CADPS: variants seen among roughly 807,000 people sequenced by gnomAD.
CADPS encodes calcium dependent secretion activator.
In CADPS, 57 loss-of-function variants were observed where a neutral mutation model predicts 167.3. The ratio of observed to expected loss-of-function variants is 0.34; its 90% CI spans 0.28 to 0.42. The LOEUF is 0.42. CADPS is among the 20% of genes least tolerant of loss of function. The pLI is 1.00. For synonymous variants in CADPS, 676 were observed against 635.3 expected (o/e 1.06, Z -0.96); for missense variants, 1,414 against 1,738.1 (o/e 0.81, Z 3.32).
intron 3 of CADPS, among the ~76,000 whole-genome samples, chr3:62,728,363 C>T (rs1369513175): frequency 6.6e-6 from 1 of 151,798 alleles, no homozygotes; most frequent in East Asian, 1.9e-4. Context: ...AATCTGTTTA[C>T]AACCTAATTA....
intron 3 of CADPS, among the ~76,000 whole-genome samples, chr3:62,682,954 A>G (rs1184974070): frequency 1.3e-5 from 2 of 152,102 alleles, no homozygotes; most frequent in Admixed American, 1.3e-4. Context: ...GGAACTAAAG[A>G]TAAGTAGAAG....
At position 62,446,347 on chromosome 3, in the gene CADPS, T is replaced by C. The variant is rs1039192631; in HGVS notation, c.3637-550A>G. 6.6e-6 allele frequency among the ~76,000 whole-genome samples: 1 copy of C among 152,132 alleles called. No homozygotes were observed. Among genetic ancestry groups the C allele is most frequent in the African/African-American group, 2.4e-5 (1 of 41,426 alleles). On this transcript the variant is annotated intron_variant, in intron 26 of 29. Coordinates refer to ENST00000383710, the MANE Select transcript of CADPS (RefSeq NM_003716.4). The surrounding 1 kb of genome is among the most constrained non-coding windows in gnomAD (Gnocchi z 4.9). ...AAAGGCTGCCGTTATGTCTCCTGCT[T>C]TTACGTGCTAAAAATTCCAGATGGG...
intron 26 of CADPS, among the ~76,000 whole-genome samples, chr3:62,450,219 C>A (rs1342739438): frequency 6.6e-6 from 1 of 152,164 alleles, no homozygotes; most frequent in African/African-American, 2.4e-5. Context: ...TCTGTGACAC[C>A]CTATGCACTG....
chr3:62,875,307 G>T lies in CADPS; in HGVS notation c.-278C>A, dbSNP rs568170101. 112 of 221,794 alleles carry T rather than the reference G, an allele frequency of 5.0e-4. 1 individual carries two copies. Among genetic ancestry groups the T allele is most frequent in the Admixed American group, 1.5e-3 (25 of 17,174 alleles). 13.7% of individuals were successfully genotyped at this position (221,794 alleles called of 1,614,324 possible). A position where few individuals can be genotyped will look rare whatever the true frequency, so the allele number is the denominator to read the frequency against. ...GGGGAGAATCAATTGCGAGCCCCGAGCCCGCAGCCGGATGCCATCTGCGGC... is the reference window on the plus strand; with the variant it reads ...GGGGAGAATCAATTGCGAGCCCCGATCCCGCAGCCGGATGCCATCTGCGGC... On this transcript the variant is annotated 5_prime_UTR_variant, in exon 1 of 30. Coordinates refer to ENST00000383710, the MANE Select transcript of CADPS (RefSeq NM_003716.4).
At chr3:62,592,792 G>A in intron 6 of CADPS, 44 bp from the exon 7 acceptor site, 1 of 1,431,456 alleles carries the variant, frequency 7.0e-7, no homozygotes, top group Middle Eastern at 1.8e-4. Flanking sequence ...TATCTGCCTT[G>A]ATGAGTCTAA....
intron 21 of CADPS, among the ~76,000 whole-genome samples, chr3:62,484,883 A>G (rs1262281175): frequency 6.6e-6 from 1 of 152,216 alleles, no homozygotes; most frequent in Non-Finnish European, 1.5e-5. Flanking sequence ...TGTTGCATGC[A>G]TATATGTAGC....
intron 22 of CADPS, among the ~76,000 whole-genome samples, chr3:62,480,994 G>A (rs1391007153): frequency 6.6e-6 from 1 of 152,174 alleles, no homozygotes; most frequent in East Asian, 1.9e-4. Context: ...TGACATTCAT[G>A]TGGATGAGTA....
At chr3:62,815,244 G>GTGAT (rs1228415574) in intron 1 of CADPS, among the ~76,000 whole-genome samples, 1 of 151,786 alleles carries the variant, frequency 6.6e-6, no homozygotes, top group Non-Finnish European at 1.5e-5. Context: ...GAAATATTGT[G>GTGAT]TGATAGTCAA....
intron 1 of CADPS, among the ~76,000 whole-genome samples, chr3:62,847,438 C>G (rs2077702860): frequency 1.0e-5 from 1 of 98,088 alleles, no homozygotes; most frequent in Non-Finnish European, 2.0e-5. Context: ...CTCCCCCCAC[C>G]CCACCACAGT....
At chr3:62,736,473 T>C (rs1033853099) in intron 3 of CADPS, among the ~76,000 whole-genome samples, 3 of 152,226 alleles carry the variant, frequency 2.0e-5, no homozygotes, top group East Asian at 1.9e-4. Context: ...GCAGTTTGCA[T>C]GCAATTCTCC....
rs146803742 is a variant in CADPS at position 62,822,659 on chromosome 3, C to T, written c.441+51930G>A. 8.0e-3 allele frequency among the ~76,000 whole-genome samples: 1,214 copies of T among 152,002 alleles called. 21 individuals carry two copies. Among genetic ancestry groups the T allele is most frequent in the African/African-American group, 0.028 (1,149 of 41,474 alleles). On this transcript the variant is annotated intron_variant, in intron 1 of 29. Coordinates refer to ENST00000383710, the MANE Select transcript of CADPS (RefSeq NM_003716.4). ...GAGTTCGAGACCAGCCTGGCCTACACGGTGAAACCCCATCTCTACTGAAAA... is the reference window on the plus strand; with the variant it reads ...GAGTTCGAGACCAGCCTGGCCTACATGGTGAAACCCCATCTCTACTGAAAA...
At chr3:62,636,622 A>C (rs1158713241) in intron 6 of CADPS, among the ~76,000 whole-genome samples, 1 of 152,212 alleles carries the variant, frequency 6.6e-6, no homozygotes, top group East Asian at 1.9e-4. Context: ...ATATCACAGC[A>C]CAGGGGCGTT....
At chr3:62,688,558 C>T (rs1280532351) in intron 3 of CADPS, among the ~76,000 whole-genome samples, 1 of 152,086 alleles carries the variant, frequency 6.6e-6, no homozygotes, top group African/African-American at 2.4e-5. Context: ...TTAACTTCCA[C>T]ATAGAGTGTT....
At chr3:62,584,302 C>G (rs1181298347) in intron 8 of CADPS, among the ~76,000 whole-genome samples, 1 of 152,158 alleles carries the variant, frequency 6.6e-6, no homozygotes, top group Non-Finnish European at 1.5e-5. Flanking sequence ...CCACTGTGCC[C>G]AGCCGTAACC....
At chr3:62,849,298 A>T (rs1026212621) in intron 1 of CADPS, among the ~76,000 whole-genome samples, 33 of 147,332 alleles carry the variant, frequency 2.2e-4, no homozygotes, top group African/African-American at 8.3e-4. Context: ...CCCTGGCCAG[A>T]ACTTCCAACA....
intron 3 of CADPS, among the ~76,000 whole-genome samples, chr3:62,720,339 TTG>T (rs2075524210): frequency 1.4e-5 from 2 of 144,088 alleles, no homozygotes. Context: ...GTTTGTTTGT[TTG>T]TTTTTTTTTG....
intron 3 of CADPS, among the ~76,000 whole-genome samples, chr3:62,726,316 A>G (rs1358271893): frequency 1.3e-5 from 2 of 151,908 alleles, no homozygotes; most frequent in Non-Finnish European, 2.9e-5. Flanking sequence ...TCTGGTTGGA[A>G]GAATTTCCTT....
intron 9 of CADPS, among the ~76,000 whole-genome samples, chr3:62,568,432 C>T (rs957866889): frequency 1.3e-5 from 2 of 152,224 alleles, no homozygotes; most frequent in Non-Finnish European, 2.9e-5. Context: ...GCCGAGTCTT[C>T]AGGCTTTCGT....
intron 3 of CADPS, among the ~76,000 whole-genome samples, chr3:62,690,024 C>A (rs2078814962): frequency 6.6e-6 from 1 of 151,906 alleles, no homozygotes. Flanking sequence ...GGTACTGATT[C>A]TTCTCTGGAC....
Sources: allele counts gnomAD v4.1 joint callset (sites outside exome capture counted in the v4.1 genomes callset), GRCh38; gene constraint gnomAD v4.1.1; non-coding constraint Gnocchi (gnomAD v3.1); transcripts MANE v1.5; gene names NCBI Gene and HGNC (gene_info 2026-07-23, HGNC 2026-07-21).